Variants in MCTP1 observed in about 807,000 individuals in gnomAD.
MCTP1 encodes the protein multiple C2 and transmembrane domain containing 1.
In MCTP1, 69 loss-of-function variants were observed where a neutral mutation model predicts 120.6. The observed-to-expected ratio is 0.57, with a 90% confidence interval of 0.47 to 0.70. The LOEUF (loss-of-function observed/expected upper bound fraction) is 0.70, where lower values mean the gene tolerates loss of function less well. Among genes scored for constraint, MCTP1 ranks in the 30% least tolerant of loss-of-function variants. MCTP1 has a pLI of 0.00. For synonymous variants in MCTP1, 529 were observed against 493.1 expected, an observed-to-expected ratio of 1.07 and a Z score of -0.96; for missense variants, 1,203 against 1,248.8, an observed-to-expected ratio of 0.96 and a Z score of 0.55.
chr5:94,836,920 T>C (rs931792712), intron 17 of MCTP1, among the ~76,000 whole-genome samples: 9 of 152,216 alleles, frequency 5.9e-5, no homozygotes, highest in African/African-American at 2.2e-4. Context: ...CCATTAGTAA[T>C]GCCAATCTTA....
intron 1 of MCTP1, 63 bp from the exon 2 acceptor site, chr5:95,017,547 G>GGGACCATCTCTAAAGGT: frequency 9.0e-7 from 1 of 1,115,120 alleles, no homozygotes; most frequent in Non-Finnish European, 1.3e-6. Flanking sequence ...TCTCTAAAGG[G>GGGACCATCTCTAAAGGT]GGACCATATA....
At chr5:94,789,215 G>C (rs1445779892) in intron 18 of MCTP1, 1 of 152,216 alleles carries the variant, frequency 6.6e-6, no homozygotes. Context: ...GAAGAATTCA[G>C]GAAGATGGTG....
chr5:95,218,231 C>T (rs448328), intron 1 of MCTP1, among the ~76,000 whole-genome samples: 2 of 152,250 alleles, frequency 1.3e-5, no homozygotes, highest in Non-Finnish European at 2.9e-5. Flanking sequence ...ATGCATGATA[C>T]AATAGGTTAC....
At chr5:94,805,577 G>A (rs896277316) in intron 17 of MCTP1, among the ~76,000 whole-genome samples, 2 of 152,090 alleles carry the variant, frequency 1.3e-5, no homozygotes, top group East Asian at 1.9e-4. Context: ...GTAGTGAGCC[G>A]TGATTGCACC....
chr5:95,168,309 T>G (rs934738602), intron 1 of MCTP1, among the ~76,000 whole-genome samples: 1 of 152,230 alleles, frequency 6.6e-6, no homozygotes, highest in South Asian at 2.1e-4. Flanking sequence ...CCTTGTAGTG[T>G]AGTTTGAAGT....
intron 1 of MCTP1, among the ~76,000 whole-genome samples, chr5:95,067,761 A>G (rs1751053994): frequency 6.6e-6 from 1 of 152,186 alleles, no homozygotes; most frequent in Admixed American, 6.5e-5. Flanking sequence ...AGTCAAACTA[A>G]GCTTTCCATC....
At chr5:95,113,708 G>A (rs1394684905) in intron 1 of MCTP1, among the ~76,000 whole-genome samples, 1 of 152,098 alleles carries the variant, frequency 6.6e-6, no homozygotes. Context: ...AGGCATTGTA[G>A]GCCACAAGAA....
At chr5:94,828,116 C>T (rs1387140738) in intron 17 of MCTP1, among the ~76,000 whole-genome samples, 1 of 152,082 alleles carries the variant, frequency 6.6e-6, no homozygotes, top group Non-Finnish European at 1.5e-5. Context: ...TTGGTCTTTG[C>T]TGTTGGTGAC....
At chr5:94,814,769 TAAAAG>T (rs1323145792) in intron 17 of MCTP1, among the ~76,000 whole-genome samples, 4 of 152,026 alleles carry the variant, frequency 2.6e-5, no homozygotes, top group South Asian at 2.1e-4. Flanking sequence ...AAAAAAAAGT[TAAAAG>T]AAAACAAAAA....
chr5:94,749,953 A>G (rs1767900643), intron 19 of MCTP1, among the ~76,000 whole-genome samples: 1 of 152,212 alleles, frequency 6.6e-6, no homozygotes. Context: ...ATCTAAACTA[A>G]AAGAAGTCTG....
chr5:94,774,646 C>G (rs1774902395), intron 19 of MCTP1, among the ~76,000 whole-genome samples: 1 of 152,190 alleles, frequency 6.6e-6, no homozygotes, highest in African/African-American at 2.4e-5. Context: ...CTGTGCTGGA[C>G]TTCTGATCTA....
At chr5:94,981,871 G>A (rs1032836175) in intron 2 of MCTP1, among the ~76,000 whole-genome samples, 1 of 152,136 alleles carries the variant, frequency 6.6e-6, no homozygotes, top group African/African-American at 2.4e-5. Flanking sequence ...ATCATGTGGG[G>A]CTCTGTAGGC....
chr5:95,046,729 A>T (rs951418004), intron 1 of MCTP1, among the ~76,000 whole-genome samples: 5 of 152,070 alleles, frequency 3.3e-5, no homozygotes, highest in African/African-American at 1.2e-4. Flanking sequence ...AGTTAGTTAC[A>T]CGCTACTCCA....
intron 1 of MCTP1, among the ~76,000 whole-genome samples, chr5:95,175,166 G>A (rs546126729): frequency 6.6e-6 from 1 of 152,282 alleles, no homozygotes; most frequent in South Asian, 2.1e-4. Context: ...AATTATAAGT[G>A]AAAATGATGC....
At chr5:94,787,579 A>G (rs1406596924) in intron 18 of MCTP1, among the ~76,000 whole-genome samples, 1 of 152,082 alleles carries the variant, frequency 6.6e-6, no homozygotes, top group Non-Finnish European at 1.5e-5. Context: ...ACACATGGCA[A>G]AGTTCCCAGG....
chr5:94,912,946 G>A lies in MCTP1; in HGVS notation c.1381C>T (p.Leu461=). The change falls in exon 9 of 23, where the codon CTA becomes TTA. Residue 461 remains leucine (L), a synonymous_variant. Coordinates refer to ENST00000515393, the MANE Select transcript of MCTP1 (RefSeq NM_024717.7). ...CTCCAAAGATGCGATTTTCTGTGTAGGTCTGATAGGCGTAAACTTTGGGTC... is the reference window on the plus strand; with the variant it reads ...CTCCAAAGATGCGATTTTCTGTGTAAGTCTGATAGGCGTAAACTTTGGGTC... ...FQTQSLRLSD[L]HRKSHLWRGI... The A allele has an allele frequency of 6.3e-7, 1 of 1,598,994 alleles. No homozygotes were observed. Among genetic ancestry groups the A allele is most frequent in the Non-Finnish European group, 8.5e-7 (1 of 1,173,874 alleles).
chr5:94,777,927 C>CGTGTGT (rs71615135), intron 19 of MCTP1, among the ~76,000 whole-genome samples: 9,884 of 148,874 alleles, frequency 0.066, 704 homozygotes, highest in African/African-American at 0.17. Context: ...AGAAAGTGTG[C>CGTGTGT]GTGTGTGTGT....
At chr5:94,867,204 C>CAG (rs1304880219) in intron 17 of MCTP1, 7 of 1,379,746 alleles carry the variant, frequency 5.1e-6, no homozygotes, top group African/African-American at 1.5e-5. Context: ...CTGAGAGAGA[C>CAG]AGAGAGAGAG....
At chr5:95,106,262 A>C (rs1757076148) in intron 1 of MCTP1, among the ~76,000 whole-genome samples, 1 of 152,178 alleles carries the variant, frequency 6.6e-6, no homozygotes, top group Non-Finnish European at 1.5e-5. Flanking sequence ...ACTGATACTA[A>C]ACGGTTCAGA....
Sources: gnomAD v4.1 joint callset for allele counts (sites outside exome capture counted in the v4.1 genomes callset) on GRCh38, gnomAD v4.1.1 for gene constraint, MANE v1.5 for transcripts, NCBI Gene and HGNC (gene_info 2026-07-23, HGNC 2026-07-21) for gene names.